The following HIP1R variants were observed in gnomAD, a reference collection of about 807,000 sequenced individuals.
HIP1R encodes the protein huntingtin-interacting protein 1-related protein.
Under a neutral mutation model 144.2 loss-of-function variants are expected in HIP1R, and 135 were observed. That is an observed-to-expected ratio of 0.94 (90% confidence interval 0.81 to 1.08). HIP1R has a LOEUF of 1.08. HIP1R is among the 50% of genes least tolerant of loss of function. HIP1R has a pLI of 0.00. For missense variants in HIP1R, 1,462 were observed against 1,432.8 expected (o/e 1.02, Z -0.33); for synonymous variants, 698 against 612.8 (o/e 1.14, Z -2.05).
chr12:122,847,305 G>C (rs533703854), intron 1 of HIP1R, among the ~76,000 whole-genome samples: 35 of 133,858 alleles, frequency 2.6e-4, no homozygotes, highest in African/African-American at 8.7e-4. Context: ...AGCCGGGGCG[G>C]GGGGGGAGGG....
Position 122,848,112 on chromosome 12 carries a change from T to C in HIP1R, c.157+18T>C. The C allele has an allele frequency of 1.2e-6, 2 of 1,612,778 alleles. No homozygotes were observed. Among genetic ancestry groups the C allele is most frequent in the South Asian group, 2.2e-5 (2 of 91,074 alleles). On this transcript the variant is annotated intron_variant, in intron 2 of 31. Coordinates refer to ENST00000253083, the MANE Select transcript of HIP1R (RefSeq NM_003959.3). Reference sequence around the variant, plus strand: ...CGCCCGGCGTATCCTTGGCCGGCTCTTGGACCCAGGAGTTGGGTGTGGATG... The same window carrying C: ...CGCCCGGCGTATCCTTGGCCGGCTCCTGGACCCAGGAGTTGGGTGTGGATG...
At position 122,840,233 on chromosome 12, in the gene HIP1R, C is replaced by T. The variant is rs1198522238; in HGVS notation, c.93+4590C>T. Among the ~76,000 whole-genome samples the T allele has an allele frequency of 6.6e-6, 1 of 152,220 alleles. No individual in the cohort carries two copies. Among genetic ancestry groups the T allele is most frequent in the Admixed American group, 6.5e-5 (1 of 15,284 alleles). The stretch of plus-strand genomic sequence containing the variant: ...AGGGGCCACCCATCCTTGACCTCCC[C>T]CTCCCTGTCTCTGATGTGTTTTGAT... On this transcript the variant is annotated intron_variant, in intron 1 of 31. Coordinates refer to ENST00000253083, the MANE Select transcript of HIP1R (RefSeq NM_003959.3). This position sits in a 1 kb window ranked among gnomAD's most constrained non-coding sequence, Gnocchi z 4.2.
intron 1 of HIP1R, among the ~76,000 whole-genome samples, chr12:122,844,156 A>G (rs1421919162): frequency 2.0e-5 from 3 of 150,954 alleles, no homozygotes; most frequent in African/African-American, 4.9e-5. Flanking sequence ...TTTACTTTTT[A>G]GAGGCAGGTT....
In HIP1R at chr12:122,862,374, G is replaced by GA. The variant is rs2033797254; in HGVS notation, c.*622dup. 1 of 152,470 alleles carries GA rather than the reference G, an allele frequency of 6.6e-6. No homozygotes were observed. The highest frequency in any genetic ancestry group is 1.5e-5 in the Non-Finnish European group (1 of 68,218). The allele number at this position is 152,470 out of a possible 1,614,324, so 9.4% of individuals were successfully genotyped here. ...GATGGGAGCCCCCCAGGAGGGGTCA[G>GA]ATGCTGGAAGGGGCCGCTTTCTGGG... is the stretch of plus-strand genomic sequence containing the variant. On this transcript the variant is annotated 3_prime_UTR_variant, in exon 32 of 32. Transcript: ENST00000253083.
rs2033753614 is a variant in HIP1R, at chr12:122,861,023, G to A, written c.2874G>A (p.Glu958=). ...TGGCCTCCACCAAGTCAGGCCAGGA[G>A]CAGATTGAGGACAGAGGTGAGTGCC... ...NVVASTKSGQ[E]QIEDRDTMDF... The change falls in exon 29 of 32, where the codon GAG becomes GAA. Residue 958 remains glutamate (E), a synonymous_variant. Coordinates refer to ENST00000253083, the MANE Select transcript of HIP1R (RefSeq NM_003959.3). 1.2e-6 allele frequency: 2 copies of A among 1,613,634 alleles called. No homozygotes were observed. The highest frequency in any genetic ancestry group is 1.7e-5 in the Admixed American group (1 of 60,006).
intron 1 of HIP1R, among the ~76,000 whole-genome samples, chr12:122,843,746 A>G (rs1364786209): frequency 6.6e-6 from 1 of 152,156 alleles, no homozygotes; most frequent in Non-Finnish European, 1.5e-5. Context: ...GGTCTGTGGA[A>G]CCAGGCAGGA....
chr12:122,835,534 C>T lies in HIP1R; in HGVS notation c.-17C>T. 6.0e-6 allele frequency: 8 copies of T among 1,331,572 alleles called. No homozygotes were observed. Among genetic ancestry groups the T allele is most frequent in the South Asian group, 1.7e-5 (1 of 57,262 alleles). 82.5% of individuals were successfully genotyped at this position (1,331,572 alleles called of 1,614,324 possible). A position where few individuals can be genotyped will look rare whatever the true frequency, so the allele number is the denominator to read the frequency against. On this transcript the variant is annotated 5_prime_UTR_variant, in exon 1 of 32. Coordinates refer to ENST00000253083, the MANE Select transcript of HIP1R (RefSeq NM_003959.3). ...TCGCGCGGACGGAGCCGGACAAAAGCGGGCGGCGGCGGCAGGATGAACAGC... is the reference window on the plus strand; with the variant it reads ...TCGCGCGGACGGAGCCGGACAAAAGTGGGCGGCGGCGGCAGGATGAACAGC...
In HIP1R at chr12:122,855,474, G is replaced by A. The variant is rs567045004; in HGVS notation, c.993+69G>A. 7.4e-5 allele frequency: 114 copies of A among 1,546,736 alleles called. 1 individual carries two copies. Among genetic ancestry groups the A allele is most frequent in the Middle Eastern group, 2.3e-4 (1 of 4,372 alleles). ...AGCATGAGGCCAACGGGAGTGTCGG[G>A]TGGCCAGCCCTCCCTTTGCCCACTG... On this transcript the variant is annotated intron_variant, in intron 11 of 31. Coordinates refer to ENST00000253083, the MANE Select transcript of HIP1R (RefSeq NM_003959.3).
At chr12:122,855,207 G>T in intron 10 of HIP1R, 58 bp from the exon 11 acceptor site, 1 of 1,610,892 alleles carries the variant, frequency 6.2e-7, no homozygotes, top group South Asian at 1.1e-5. Context: ...TATGGAGATG[G>T]CGGAAGGAGG....
chr12:122,835,862 C>T (rs2032875409), intron 1 of HIP1R, among the ~76,000 whole-genome samples: 1 of 150,164 alleles, frequency 6.7e-6, no homozygotes, highest in Non-Finnish European at 1.5e-5. Context: ...GCAGGTGAAC[C>T]GGAAGCCGCG....
At chr12:122,850,783 G>T in intron 5 of HIP1R, 52 bp from the exon 6 acceptor site, 1 of 1,448,266 alleles carries the variant, frequency 6.9e-7, no homozygotes, top group Non-Finnish European at 9.4e-7. Flanking sequence ...GTGGCCGCCA[G>T]GTGTGGGGGG....
Position 122,857,133 on chromosome 12 carries a change from G to A in HIP1R, c.1733G>A (p.Arg578His), listed in dbSNP as rs773380838. The A allele has an allele frequency of 5.0e-5, 78 of 1,550,372 alleles. No homozygotes were observed. The highest frequency in any genetic ancestry group is 2.0e-4 in the East Asian group (8 of 40,942). ...ADLLAAQSLV[R>H]ETEAALSREQ... The stretch of plus-strand genomic sequence containing the variant: ...CTGCTGGCGGCGCAGAGCCTGGTGC[G>A]CGAGACAGAGGCGGCGCTGAGCCGG... The change falls in exon 18 of 32, where the codon CGC becomes CAC. Residue 578 changes from arginine (R) to histidine (H), a missense_variant. Around this residue, in one of 2 missense-constraint regions of HIP1R, gnomAD observed 1,112 missense variants for 1,011.7 expected, o/e 1.10. Coordinates refer to ENST00000253083, the MANE Select transcript of HIP1R (RefSeq NM_003959.3).
rs1369819350 is a variant in HIP1R, at chr12:122,858,848, C to T, written c.2061C>T (p.Ala687=). The T allele has an allele frequency of 1.9e-6, 3 of 1,612,930 alleles. No individual in the cohort carries two copies. Among genetic ancestry groups the T allele is most frequent in the Non-Finnish European group, 2.5e-6 (3 of 1,179,924 alleles). ...QYLTSLADAS[A]LVAALTRFSH... ...CACCCACCCGCACAGACGCCTCCGC[C>T]CTGGTGGCAGCTCTGACCCGCTTCT... Residue 687 remains alanine (A), a synonymous_variant, in exon 21 of 32, where the codon GCC becomes GCT. Coordinates refer to ENST00000253083, the MANE Select transcript of HIP1R (RefSeq NM_003959.3).
chr12:122,835,654 G>A lies in HIP1R; in HGVS notation c.93+11G>A, dbSNP rs2032864001. ...TTCGACAAGACCCAGGCGAGCGGGC[G>A]GCGGGCGGCGGGCGGCGGGCGGCGG... On this transcript the variant is annotated intron_variant, in intron 1 of 31. Coordinates refer to ENST00000253083, the MANE Select transcript of HIP1R (RefSeq NM_003959.3). The A allele has an allele frequency of 1.1e-6, 1 of 918,836 alleles. No homozygotes were observed. Among genetic ancestry groups the A allele is most frequent in the African/African-American group, 3.4e-5 (1 of 29,136 alleles). 56.9% of individuals were successfully genotyped at this position (918,836 alleles called of 1,614,324 possible).
rs763986600 is a variant in HIP1R, at chr12:122,861,752, A to C, written c.3206A>C (p.Ter1069SerextTer20). The stretch of plus-strand genomic sequence containing the variant: ...TACCCAGCTCAACTCGTGAACTACT[A>C]GGCCCCCCAGGGGTCCAGCAGGGTG... ...GIYPAQLVNY* is the reference protein window; with the variant it reads ...GIYPAQLVNYS The change falls in exon 32 of 32, where the codon TAG becomes TCG. Residue 1069 changes from the stop codon to serine, a stop_lost. Transcript: ENST00000253083. The C allele has an allele frequency of 5.0e-6, 8 of 1,613,984 alleles. No homozygotes were observed. The Admixed American group carries it at 1.3e-4, about 27-fold the overall frequency.
chr12:122,845,720 G>A (rs1047806512), intron 1 of HIP1R, among the ~76,000 whole-genome samples: 14 of 152,286 alleles, frequency 9.2e-5, no homozygotes, highest in East Asian at 3.9e-4. Context: ...GGCCCTCAGA[G>A]ACCATCCATC....
At chr12:122,853,093 G>A (rs999265002) in intron 7 of HIP1R, among the ~76,000 whole-genome samples, 15 of 152,120 alleles carry the variant, frequency 9.9e-5, no homozygotes, top group Admixed American at 3.9e-4. Flanking sequence ...CCGCTCTCCC[G>A]TGCTGGCCAG....
intron 1 of HIP1R, among the ~76,000 whole-genome samples, chr12:122,846,784 C>A (rs1248125566): frequency 6.6e-6 from 1 of 152,180 alleles, no homozygotes; most frequent in African/African-American, 2.4e-5. Context: ...CCTGGCCCAG[C>A]CCCGCAGTCC....
At chr12:122,859,304 C>T in intron 22 of HIP1R, 107 bp downstream of exon 22, 2 of 1,471,050 alleles carry the variant, frequency 1.4e-6, no homozygotes, top group South Asian at 1.2e-5. Flanking sequence ...CCTGCAGCCT[C>T]AGGACACAGG....
Sources: gnomAD v4.1 joint callset for allele counts (sites outside exome capture counted in the v4.1 genomes callset) on GRCh38, gnomAD v4.1.1 for gene constraint, gnomAD v4.1.1 regional missense constraint, Gnocchi (gnomAD v3.1) non-coding constraint, MANE v1.5 for transcripts, NCBI Gene and HGNC (gene_info 2026-07-23, HGNC 2026-07-21) for gene names.